LMBRD2: variants seen among roughly 807,000 people sequenced by gnomAD.
The protein encoded by LMBRD2 is G protein-coupled receptor-associated protein LMBRD2.
Under a neutral mutation model 94.4 loss-of-function variants are expected in LMBRD2, and 55 were observed. The ratio of observed to expected loss-of-function variants is 0.58; its 90% CI spans 0.47 to 0.73. LMBRD2 has a LOEUF of 0.73. Among genes scored for constraint, LMBRD2 ranks in the 30% least tolerant of loss-of-function variants. The pLI, the probability that LMBRD2 is intolerant of heterozygous loss-of-function variation, is 0.00. For missense variants in LMBRD2, 640 were observed against 831.9 expected (o/e 0.77, Z 2.84); for synonymous variants, 246 against 272.4 (o/e 0.90, Z 0.95).
intron 16 of LMBRD2, among the ~76,000 whole-genome samples, chr5:36,107,470 T>A (rs920758611): frequency 6.6e-6 from 1 of 152,230 alleles, no homozygotes; most frequent in African/African-American, 2.4e-5. Flanking sequence ...TGGAGAGAAA[T>A]CATAGTTTTA....
chr5:36,137,735 G>C (rs1744304989), intron 4 of LMBRD2, among the ~76,000 whole-genome samples: 1 of 152,118 alleles, frequency 6.6e-6, no homozygotes, highest in Non-Finnish European at 1.5e-5. Flanking sequence ...ACGGAGAATG[G>C]ATAAAAGGGG....
chr5:36,120,807 T>C (rs1293142240), intron 9 of LMBRD2, among the ~76,000 whole-genome samples: 2 of 152,222 alleles, frequency 1.3e-5, no homozygotes, highest in African/African-American at 4.8e-5. Flanking sequence ...CCTTAATCTA[T>C]GTGCAACATT....
At chr5:36,110,384 C>T (rs1743576131) in intron 14 of LMBRD2, among the ~76,000 whole-genome samples, 1 of 151,236 alleles carries the variant, frequency 6.6e-6, no homozygotes. Flanking sequence ...CACTTTTTTT[C>T]CCCCAGGATA....
At chr5:36,108,003 C>T (rs762251768) in intron 16 of LMBRD2, among the ~76,000 whole-genome samples, 10 of 152,254 alleles carry the variant, frequency 6.6e-5, no homozygotes, top group East Asian at 1.9e-4. Flanking sequence ...TGCATCATGT[C>T]AGTGTGGGGT....
At position 36,110,005 on chromosome 5, in the gene LMBRD2, AATG is replaced by A. The variant is rs1743566552; in HGVS notation, c.1745-17_1745-15del. 6.3e-7 allele frequency: 1 copy of A among 1,598,796 alleles called. No individual in the cohort carries two copies. Among genetic ancestry groups the A allele is most frequent in the African/African-American group, 1.3e-5 (1 of 74,498 alleles). On this transcript the variant is annotated splice_polypyrimidine_tract_variant and intron_variant, in intron 14 of 17. Transcript: ENST00000296603. ...TTTTTCTCTTCTCTAAAGACAGAAA[AATG>A]ATCTCAAATATGGCATAACATGGTT... is the stretch of plus-strand genomic sequence containing the variant.
At chr5:36,107,438 T>G (rs1216860073) in intron 16 of LMBRD2, among the ~76,000 whole-genome samples, 1 of 152,240 alleles carries the variant, frequency 6.6e-6, no homozygotes, top group Non-Finnish European at 1.5e-5. Flanking sequence ...AGCTAGACAT[T>G]ATGTGTAAAA....
At chr5:36,112,386 C>T (rs1388900387) in intron 13 of LMBRD2, among the ~76,000 whole-genome samples, 1 of 152,120 alleles carries the variant, frequency 6.6e-6, no homozygotes, top group African/African-American at 2.4e-5. Context: ...AACTTATGCT[C>T]TCTAGGCAGG....
At chr5:36,114,909 C>T in intron 12 of LMBRD2, 106 bp downstream of exon 12, 1 of 728,422 alleles carries the variant, frequency 1.4e-6, no homozygotes. Context: ...AAAATTTTAC[C>T]AATAACACTA....
chr5:36,129,145 T>C (rs186888371), intron 6 of LMBRD2, among the ~76,000 whole-genome samples: 2 of 152,278 alleles, frequency 1.3e-5, no homozygotes, highest in East Asian at 3.9e-4. Context: ...TAAGAGTTCT[T>C]GGCCTTAAAG....
At chr5:36,122,755 C>T (rs1390354205) in intron 8 of LMBRD2, 93 bp downstream of exon 8, 14 of 1,407,052 alleles carry the variant, frequency 9.9e-6, no homozygotes. Context: ...GTTTTAAATA[C>T]ACATTCACTA....
intron 4 of LMBRD2, 107 bp downstream of exon 4, chr5:36,141,000 A>T (rs1007115742): frequency 1.6e-6 from 1 of 617,398 alleles, no homozygotes; most frequent in Non-Finnish European, 2.9e-6. Context: ...GGGTAGAAAG[A>T]TTCAGAATGC....
At chr5:36,129,383 C>G (rs1181880740) in intron 6 of LMBRD2, among the ~76,000 whole-genome samples, 1 of 151,764 alleles carries the variant, frequency 6.6e-6, no homozygotes, top group Non-Finnish European at 1.5e-5. Context: ...ACAAATAACA[C>G]ACAATGGAGC....
In LMBRD2 at chr5:36,104,030, C is replaced by T. The variant is rs142485418; in HGVS notation, c.*16G>A. On this transcript the variant is annotated 3_prime_UTR_variant, in exon 18 of 18. Transcript: ENST00000296603. ...GTGTTGACCTTGGTTAGTGGTCCCA[C>T]AAACTTTTTCAGACTTTAAACATCA... is the stretch of plus-strand genomic sequence containing the variant. 6.2e-7 allele frequency: 1 copy of T among 1,604,174 alleles called. No homozygotes were observed. The highest frequency in any genetic ancestry group is 1.3e-5 in the African/African-American group (1 of 74,630).
At chr5:36,149,484 G>A (rs1744635811) in intron 1 of LMBRD2, among the ~76,000 whole-genome samples, 1 of 152,218 alleles carries the variant, frequency 6.6e-6, no homozygotes, top group Non-Finnish European at 1.5e-5. Context: ...CCCTTCTATA[G>A]TCCACATCCT....
At chr5:36,138,272 A>G (rs1316956886) in intron 4 of LMBRD2, among the ~76,000 whole-genome samples, 4 of 152,226 alleles carry the variant, frequency 2.6e-5, no homozygotes, top group Non-Finnish European at 5.9e-5. Context: ...ATAAGTAAAC[A>G]ATGAGCAAGT....
chr5:36,111,090 A>T (rs1413598677), intron 14 of LMBRD2, 65 bp downstream of exon 14: 2 of 909,178 alleles, frequency 2.2e-6, no homozygotes, highest in African/African-American at 3.4e-5. Flanking sequence ...ACAAATATTA[A>T]TTTTGTATTT....
rs960350988 is a variant in LMBRD2, at chr5:36,101,710, A to C, written c.*2336T>G. On this transcript the variant is annotated 3_prime_UTR_variant, in exon 18 of 18. Transcript: ENST00000296603. ...TTGTATATAACATTCTGTAAGACAAATTCTGCTTAAAGTTGAATATTCTGA... is the reference window on the plus strand; with the variant it reads ...TTGTATATAACATTCTGTAAGACAACTTCTGCTTAAAGTTGAATATTCTGA... 2.6e-5 allele frequency: 4 copies of C among 151,532 alleles called. No homozygotes were observed. The highest frequency in any genetic ancestry group is 5.9e-5 in the Non-Finnish European group (4 of 67,634). The allele number at this position is 151,532 out of a possible 1,614,324, so 9.4% of individuals were successfully genotyped here.
At chr5:36,117,672 A>C (rs1366707062) in intron 10 of LMBRD2, 63 bp downstream of exon 10, 16 of 1,156,808 alleles carry the variant, frequency 1.4e-5, no homozygotes, top group Non-Finnish European at 1.9e-5. Context: ...ATACATGGAG[A>C]AAATAGTTAA....
intron 10 of LMBRD2, among the ~76,000 whole-genome samples, chr5:36,116,833 C>T (rs897224862): frequency 2.4e-4 from 37 of 152,092 alleles, no homozygotes; most frequent in African/African-American, 8.9e-4. Context: ...TGTGCCACCA[C>T]GCCCGGCTAA....
Sources: allele counts gnomAD v4.1 joint callset (sites outside exome capture counted in the v4.1 genomes callset), GRCh38; gene constraint gnomAD v4.1.1; transcripts MANE v1.5; gene names NCBI Gene and HGNC (gene_info 2026-07-23, HGNC 2026-07-21).